WWOX: variants seen among roughly 807,000 people sequenced by gnomAD.
WWOX encodes WW domain-containing oxidoreductase.
WWOX carries 69 observed loss-of-function variants against 46.2 expected under a neutral mutation model. That is an observed-to-expected ratio of 1.49 (90% CI 1.23 to 1.82). The LOEUF (loss-of-function observed/expected upper bound fraction) is 1.82, where lower values mean the gene tolerates loss of function less well. Among genes scored for constraint, WWOX ranks in the 40% most tolerant of loss-of-function variants. WWOX has a pLI of 0.00. For synonymous variants in WWOX, 359 were observed against 202.6 expected, an observed-to-expected ratio of 1.77 and a Z score of -6.56; for missense variants, 919 against 542.6, an observed-to-expected ratio of 1.69 and a Z score of -6.89.
intron 5 of WWOX, among the ~76,000 whole-genome samples, chr16:78,368,925 G>A (rs2081599168): frequency 6.6e-6 from 1 of 152,158 alleles, no homozygotes; most frequent in African/African-American, 2.4e-5. Context: ...GTGTGCGACT[G>A]TCAGTTGCTC....
At chr16:78,845,647 C>A (rs978556841) in intron 8 of WWOX, among the ~76,000 whole-genome samples, 1 of 152,202 alleles carries the variant, frequency 6.6e-6, no homozygotes, top group Non-Finnish European at 1.5e-5. Context: ...CAAAAAATAA[C>A]TCCAAGCTAT....
chr16:78,849,180 C>G (rs560081662), intron 8 of WWOX, among the ~76,000 whole-genome samples: 5 of 152,258 alleles, frequency 3.3e-5, no homozygotes, highest in Non-Finnish European at 5.9e-5. Flanking sequence ...CCCAAACATA[C>G]AAGAGTCAAT....
chr16:78,132,143 G>T (rs1428839293), intron 4 of WWOX, among the ~76,000 whole-genome samples: 1 of 150,648 alleles, frequency 6.6e-6, no homozygotes, highest in African/African-American at 2.4e-5. Flanking sequence ...TCCTGCCTCA[G>T]CCTCCCGAGT....
At chr16:79,180,909 C>G (rs531160443) in intron 8 of WWOX, among the ~76,000 whole-genome samples, 10 of 152,200 alleles carry the variant, frequency 6.6e-5, no homozygotes, top group Non-Finnish European at 1.3e-4. Flanking sequence ...CTGCTACATA[C>G]AAGGACATTT....
At chr16:78,254,810 TG>T (rs1475623438) in intron 5 of WWOX, among the ~76,000 whole-genome samples, 1 of 152,176 alleles carries the variant, frequency 6.6e-6, no homozygotes, top group Admixed American at 6.5e-5. Flanking sequence ...ATTACAGGTG[TG>T]AACCACCACA....
chr16:78,869,050 C>T (rs1461346242), intron 8 of WWOX, among the ~76,000 whole-genome samples: 3 of 152,242 alleles, frequency 2.0e-5, no homozygotes, highest in African/African-American at 7.2e-5. Flanking sequence ...CACCTGTAGT[C>T]CTATCATTCA....
chr16:78,575,174 T>C (rs975558561), intron 8 of WWOX, among the ~76,000 whole-genome samples: 1 of 137,368 alleles, frequency 7.3e-6, no homozygotes, highest in Non-Finnish European at 1.6e-5. Context: ...AATTGCTGTC[T>C]GGAATCCTCC....
At position 78,996,561 on chromosome 16, in the gene WWOX, AAG is replaced by A. The variant is rs2046994224; in HGVS notation, c.1057-215043_1057-215042del. On this transcript the variant is annotated intron_variant, in intron 8 of 8. Coordinates refer to ENST00000566780, the MANE Select transcript of WWOX (RefSeq NM_016373.4). ...ATTCCTCCTAACTAATGTGGGAGAG[AAG>A]AGAAAATTACAGTGAGAGATGGTGG... 2.0e-5 allele frequency among the ~76,000 whole-genome samples: 3 copies of A among 152,160 alleles called. No individual in the cohort carries two copies. The South Asian group carries it at 6.2e-4, about 32-fold the overall frequency.
At chr16:78,873,763 TG>T (rs1355672398) in intron 8 of WWOX, among the ~76,000 whole-genome samples, 1 of 152,158 alleles carries the variant, frequency 6.6e-6, no homozygotes, top group Non-Finnish European at 1.5e-5. Context: ...TACTCCAGCC[TG>T]GGCAACAGAG....
In WWOX at chr16:79,026,872, G is replaced by A. The variant is rs888349289; in HGVS notation, c.1057-184736G>A. 9.4e-5 allele frequency among the ~76,000 whole-genome samples: 14 copies of A among 148,488 alleles called. No individual in the cohort carries two copies. The East Asian group carries it at 1.0e-3, about 11-fold the overall frequency. On this transcript the variant is annotated intron_variant, in intron 8 of 8. Coordinates refer to ENST00000566780, the MANE Select transcript of WWOX (RefSeq NM_016373.4). The stretch of plus-strand genomic sequence containing the variant: ...TCTCAATCTCCTGACCTTGTGATCT[G>A]CCCACCTCAGCCTCCCAAAGTGCTG...
chr16:78,122,470 T>G (rs548474521), intron 4 of WWOX, among the ~76,000 whole-genome samples: 1 of 152,336 alleles, frequency 6.6e-6, no homozygotes, highest in South Asian at 2.1e-4. Context: ...TACTTGAGGT[T>G]TTGTAGCATT....
intron 8 of WWOX, among the ~76,000 whole-genome samples, chr16:78,447,359 T>G (rs1371418353): frequency 1.3e-5 from 2 of 152,242 alleles, no homozygotes; most frequent in Non-Finnish European, 2.9e-5. Flanking sequence ...GCTTATTGCA[T>G]CATCATGTAG....
At chr16:78,539,267 G>C (rs568487285) in intron 8 of WWOX, among the ~76,000 whole-genome samples, 1 of 152,222 alleles carries the variant, frequency 6.6e-6, no homozygotes, top group Non-Finnish European at 1.5e-5. Context: ...AAAATCACAG[G>C]AATCTGCGTG....
chr16:79,024,087 C>A (rs568233803), intron 8 of WWOX, among the ~76,000 whole-genome samples: 4 of 152,272 alleles, frequency 2.6e-5, no homozygotes, highest in Admixed American at 2.6e-4. Flanking sequence ...CTAGTGATTG[C>A]AGGGGGCTGG....
At chr16:78,144,521 A>ATT (rs1300514888) in intron 4 of WWOX, among the ~76,000 whole-genome samples, 6 of 24,346 alleles carry the variant, frequency 2.5e-4, no homozygotes, top group African/African-American at 9.4e-4. Flanking sequence ...ATATATATAT[A>ATT]TATTTTTTTT....
At chr16:78,778,247 G>A (rs17709285) in intron 8 of WWOX, among the ~76,000 whole-genome samples, 1 of 151,616 alleles carries the variant, frequency 6.6e-6, no homozygotes, top group Non-Finnish European at 1.5e-5. Context: ...CCCATCCCCT[G>A]TGTCTCCTTT....
intron 8 of WWOX, among the ~76,000 whole-genome samples, chr16:78,934,429 A>G (rs1395949807): frequency 2.1e-5 from 3 of 144,606 alleles, no homozygotes; most frequent in East Asian, 4.4e-4. Flanking sequence ...GGATCACTTG[A>G]GTCCAGGAGG....
intron 8 of WWOX, among the ~76,000 whole-genome samples, chr16:78,558,448 C>G (rs185045404): frequency 2.9e-3 from 436 of 152,338 alleles, no homozygotes; most frequent in Middle Eastern, 0.01. Context: ...GATCTGGCAT[C>G]CTTTGCCTGC....
chr16:78,424,744 C>T (rs934630821), intron 6 of WWOX, 126 bp from the exon 7 acceptor site: 25 of 1,092,562 alleles, frequency 2.3e-5, no homozygotes, highest in East Asian at 1.2e-4. Context: ...TTCTCATTCC[C>T]GAAGGAGCAT....
Sources: allele counts gnomAD v4.1 joint callset (sites outside exome capture counted in the v4.1 genomes callset), GRCh38; gene constraint gnomAD v4.1.1; transcripts MANE v1.5; gene names NCBI Gene and HGNC (gene_info 2026-07-23, HGNC 2026-07-21).